NCKAP5: variants seen among roughly 807,000 people sequenced by gnomAD.
NCKAP5 encodes NCK associated protein 5, also known as nck-associated protein 5.
NCKAP5 carries 92 observed loss-of-function variants against 167.0 expected under a neutral mutation model. The ratio of observed to expected loss-of-function variants is 0.55; its 90% CI spans 0.47 to 0.66. The LOEUF (loss-of-function observed/expected upper bound fraction) is 0.66. Ranked by LOEUF, NCKAP5 falls within the 30% of genes least tolerant of loss-of-function variation. The pLI, the probability that NCKAP5 is intolerant of heterozygous loss-of-function variation, is 0.00. For missense variants in NCKAP5, 2,378 were observed against 2,315.0 expected, an observed-to-expected ratio of 1.03 and a Z score of -0.56; for synonymous variants, 891 against 877.4, an observed-to-expected ratio of 1.02 and a Z score of -0.27.
chr2:133,186,731 G>A (rs576234337), intron 5 of NCKAP5, among the ~76,000 whole-genome samples: 56 of 151,952 alleles, frequency 3.7e-4, no homozygotes, highest in African/African-American at 1.2e-3. Context: ...TTTCTAATAC[G>A]TGTGCAGAGA....
At chr2:133,450,685 T>C (rs1452025935) in intron 3 of NCKAP5, among the ~76,000 whole-genome samples, 3 of 152,202 alleles carry the variant, frequency 2.0e-5, no homozygotes, top group African/African-American at 7.2e-5. Flanking sequence ...CTATTCTCTT[T>C]ATTCATACTA....
At chr2:132,786,409 G>T (rs1193395756) in intron 13 of NCKAP5, among the ~76,000 whole-genome samples, 1 of 152,172 alleles carries the variant, frequency 6.6e-6, no homozygotes, top group Non-Finnish European at 1.5e-5. Flanking sequence ...AGATATCTAT[G>T]AAAATTTTCT....
chr2:132,861,263 G>T (rs914239438), intron 10 of NCKAP5, among the ~76,000 whole-genome samples: 2 of 152,098 alleles, frequency 1.3e-5, no homozygotes, highest in African/African-American at 4.8e-5. Flanking sequence ...GTTTGGAGCA[G>T]CTCTTTTGAA....
intron 8 of NCKAP5, among the ~76,000 whole-genome samples, chr2:132,921,269 C>G (rs1278563969): frequency 6.6e-6 from 1 of 152,086 alleles, no homozygotes; most frequent in African/African-American, 2.4e-5. Context: ...GTATAATCCT[C>G]CTTCTCTAAG....
chr2:132,871,754 A>C (rs1206569763), intron 9 of NCKAP5, among the ~76,000 whole-genome samples: 1 of 151,946 alleles, frequency 6.6e-6, no homozygotes, highest in Admixed American at 6.6e-5. Flanking sequence ...TTCTTTACCT[A>C]CTGACATGAG....
intron 6 of NCKAP5, among the ~76,000 whole-genome samples, chr2:133,087,855 T>G (rs921980796): frequency 9.9e-5 from 15 of 152,226 alleles, no homozygotes; most frequent in African/African-American, 3.6e-4. Flanking sequence ...AAATATTTAC[T>G]GAGCAATTAC....
chr2:133,583,902 C>T, the NCKAP5 span, among the ~76,000 whole-genome samples: 5,135 of 152,168 alleles, frequency 0.034, 127 homozygotes, highest in Admixed American at 0.079. Flanking sequence ...TACAGGCACC[C>T]ACCACCATGC....
At chr2:133,482,837 T>A (rs1344920805) in intron 3 of NCKAP5, among the ~76,000 whole-genome samples, 1 of 152,170 alleles carries the variant, frequency 6.6e-6, no homozygotes, top group Non-Finnish European at 1.5e-5. Flanking sequence ...AACTTCTCTA[T>A]TACTCTAACC....
At chr2:133,651,897 T>A in the NCKAP5 span, among the ~76,000 whole-genome samples, 1 of 152,226 alleles carries the variant, frequency 6.6e-6, no homozygotes, top group Non-Finnish European at 1.5e-5. Flanking sequence ...GGTTGGGGTT[T>A]CTGTGAATTT....
intron 11 of NCKAP5, among the ~76,000 whole-genome samples, chr2:132,840,734 A>G (rs990416868): frequency 6.6e-6 from 1 of 152,176 alleles, no homozygotes. Flanking sequence ...TTGACTGCCA[A>G]TGGCACCATG....
intron 1 of NCKAP5, among the ~76,000 whole-genome samples, chr2:133,564,278 T>A (rs115444432): frequency 6.6e-6 from 1 of 152,234 alleles, no homozygotes; most frequent in East Asian, 1.9e-4. Context: ...TAAGATAGCA[T>A]GAGCACAGAG....
intron 5 of NCKAP5, among the ~76,000 whole-genome samples, chr2:133,177,422 T>C (rs116171680): frequency 0.014 from 2,115 of 152,144 alleles, 51 homozygotes; most frequent in African/African-American, 0.048. Context: ...GGGGATCCAG[T>C]AATGTACTGT....
At chr2:132,916,297 G>C (rs1406148233) in intron 8 of NCKAP5, among the ~76,000 whole-genome samples, 1 of 152,068 alleles carries the variant, frequency 6.6e-6, no homozygotes, top group Non-Finnish European at 1.5e-5. Flanking sequence ...ATGTGACAGA[G>C]GGCGTTAGCT....
At chr2:133,293,291 A>T (rs1429167088) in intron 4 of NCKAP5, among the ~76,000 whole-genome samples, 1 of 152,240 alleles carries the variant, frequency 6.6e-6, no homozygotes. Flanking sequence ...ACAGATAGAA[A>T]GTGAGTGCAG....
At chr2:132,932,839 C>A (rs2149063695) in intron 8 of NCKAP5, among the ~76,000 whole-genome samples, 1 of 150,982 alleles carries the variant, frequency 6.6e-6, no homozygotes, top group Non-Finnish European at 1.5e-5. Flanking sequence ...TGAGATACTG[C>A]AAGGGAAGAA....
rs760920913 is a variant in NCKAP5, at chr2:132,783,076, C to T, written c.3735G>A (p.Gly1245=). ...ATCTTCTCATGGATCTATTATCTAC[C>T]CCATCCCTTCCATCACTCCCAGGGA... ...SSIPGSDGRD[G]VDNRSMRRSL... is the part of the protein sequence containing the mutation. Residue 1245 remains glycine (G), a synonymous_variant, in exon 14 of 20, where the codon GGG becomes GGA. Transcript: ENST00000409261. 4.3e-6 allele frequency: 7 copies of T among 1,613,716 alleles called. No individual in the cohort carries two copies. In the South Asian group the frequency reaches 4.4e-5, roughly 10 times the overall value.
chr2:132,922,200 T>A (rs148330758), intron 8 of NCKAP5, among the ~76,000 whole-genome samples: 1 of 152,306 alleles, frequency 6.6e-6, no homozygotes, highest in African/African-American at 2.4e-5. Context: ...AAGTTCTTAC[T>A]AATGCATTAA....
At chr2:133,417,950 A>G (rs1574919131) in intron 3 of NCKAP5, among the ~76,000 whole-genome samples, 2 of 152,244 alleles carry the variant, frequency 1.3e-5, no homozygotes, top group Non-Finnish European at 2.9e-5. Flanking sequence ...GTTAGACGCT[A>G]AAGTTAGTGA....
At chr2:132,757,770 A>C (rs1275962166) in intron 16 of NCKAP5, among the ~76,000 whole-genome samples, 4 of 152,214 alleles carry the variant, frequency 2.6e-5, no homozygotes. Flanking sequence ...GCAGATAAGG[A>C]AACAGCTTGT....
Sources: allele counts gnomAD v4.1 joint callset (sites outside exome capture counted in the v4.1 genomes callset), GRCh38; gene constraint gnomAD v4.1.1; transcripts MANE v1.5; gene names NCBI Gene and HGNC (gene_info 2026-07-23, HGNC 2026-07-21).